The following RYR1 variants were observed in gnomAD, a reference collection of about 807,000 sequenced individuals.
The protein encoded by RYR1 is central core disease of muscle.
Under a neutral mutation model 583.5 loss-of-function variants are expected in RYR1, and 342 were observed. The observed-to-expected ratio is 0.59, with a 90% CI of 0.54 to 0.64. The LOEUF (loss-of-function observed/expected upper bound fraction) is 0.64. Ranked by LOEUF, RYR1 falls within the 30% of genes least tolerant of loss-of-function variation. The probability of loss-of-function intolerance (pLI) is 0.00; values close to 1 mark genes in which losing one functional copy is unlikely to be tolerated. For synonymous variants in RYR1, 2,791 were observed against 2,822.5 expected (o/e 0.99, Z 0.35); for missense variants, 6,032 against 6,917.2 (o/e 0.87, Z 4.54).
rs1217945877 is a variant in RYR1 at position 38,440,833 on chromosome 19, T to C, written c.134T>C (p.Leu45Pro). ...GCCGCCGAGGGCTTCGGCAACCGCC[T>C]GTGCTTCCTGGAGCCCACTAGCAAC... The part of the protein sequence containing the change: ...CLAAEGFGNR[L>P]CFLEPTSNAQ... Residue 45 changes from leucine (L) to proline (P), a missense_variant, in exon 2 of 106, where the codon CTG becomes CCG. Leu to Pro is a moderately conservative substitution (Grantham distance 98, BLOSUM62 -3). Transcript: ENST00000359596. 1.9e-6 allele frequency: 3 copies of C among 1,611,464 alleles called. No individual in the cohort carries two copies. The highest frequency in any genetic ancestry group is 2.5e-6 in the Non-Finnish European group (3 of 1,179,508).
Position 38,486,019 on chromosome 19 carries a change from T to G in RYR1, c.5364T>G (p.Ala1788=), listed in dbSNP as rs200950362. 6.6e-4 allele frequency: 1,071 copies of G among 1,613,312 alleles called. 2 individuals carry two copies. Among genetic ancestry groups the G allele is most frequent in the Admixed American group, 1.4e-3 (84 of 59,996 alleles). The change falls in exon 34 of 106, where the codon GCT becomes GCG. Residue 1788 remains alanine (A), a synonymous_variant. Coordinates refer to ENST00000359596, the MANE Select transcript of RYR1 (RefSeq NM_000540.3). ...SPPCFVAALP[A]AGAAEAPARL... ...CCTGTTTCGTGGCCGCTCTGCCAGC[T>G]GCTGGGGCAGCAGAGGCCCCGGCCC...
Position 38,504,593 on chromosome 19 carries a change from A to G in RYR1, c.8068-155A>G, listed in dbSNP as rs2915950. Among the ~76,000 whole-genome samples the G allele has an allele frequency of 0.35, 53,177 of 151,716 alleles. 10,130 individuals are homozygous for G. Among genetic ancestry groups the G allele is most frequent in the South Asian group, 0.49 (2,341 of 4,804 alleles). On this transcript the variant is annotated intron_variant, in intron 50 of 105. Transcript: ENST00000359596. ...AATATGGGGATGATTTGAGCATACA[A>G]TTGGGACTGACATTTGGGTTTCAAG...
In RYR1 at chr19:38,499,258, G is replaced by A; in HGVS notation, c.7027+15G>A. ...CTTCGTCAACGGTGAGGAGGGGGTGGCAGTGGCAGAGCGGGAAGTATGGAG... is the reference window on the plus strand; with the variant it reads ...CTTCGTCAACGGTGAGGAGGGGGTGACAGTGGCAGAGCGGGAAGTATGGAG... On this transcript the variant is annotated intron_variant, in intron 43 of 105. Coordinates refer to ENST00000359596, the MANE Select transcript of RYR1 (RefSeq NM_000540.3). This position sits in a 1 kb window ranked among gnomAD's most constrained non-coding sequence, Gnocchi z 7.3. 2 of 1,614,142 alleles carry A rather than the reference G, an allele frequency of 1.2e-6. No homozygotes were observed. The highest frequency in any genetic ancestry group is 1.7e-6 in the Non-Finnish European group (2 of 1,180,002).
chr19:38,440,067 T>C (rs866907124), intron 1 of RYR1, among the ~76,000 whole-genome samples: 2 of 152,222 alleles, frequency 1.3e-5, no homozygotes, highest in African/African-American at 4.8e-5. Flanking sequence ...TCCCAGCTCC[T>C]CCTGTTACCA....
At chr19:38,472,916 T>C (rs1257669078) in intron 27 of RYR1, among the ~76,000 whole-genome samples, 1 of 146,656 alleles carries the variant, frequency 6.8e-6, no homozygotes, top group Non-Finnish European at 1.5e-5. Context: ...TTCAGGAGAC[T>C]GAGACACAAG....
At chr19:38,505,215 C>A in intron 52 of RYR1, 94 bp from the exon 53 acceptor site, 1 of 1,163,272 alleles carries the variant, frequency 8.6e-7, no homozygotes, top group South Asian at 1.3e-5. Flanking sequence ...GTTCTGGGAC[C>A]CCCCCAGGAT....
At chr19:38,542,103 GTT>G (rs367691103) in intron 84 of RYR1, among the ~76,000 whole-genome samples, 1 of 137,916 alleles carries the variant, frequency 7.3e-6, no homozygotes, top group African/African-American at 2.7e-5. Flanking sequence ...GCCGGGGACT[GTT>G]TTTTTTTTTT....
rs141588091 is a variant in RYR1, at chr19:38,557,009, T to C, written c.12283-4104T>C. ...GCTGTTTCTGCTCAACACTCAGACA[T>C]ATTCATTCATTAGAGATTGCAAAAT... On this transcript the variant is annotated intron_variant, in intron 89 of 105. Transcript: ENST00000359596. 2.3e-3 allele frequency among the ~76,000 whole-genome samples: 352 copies of C among 151,814 alleles called. 2 individuals are homozygous for C. Among genetic ancestry groups the C allele is most frequent in the African/African-American group, 8.3e-3 (345 of 41,436 alleles).
intron 101 of RYR1, among the ~76,000 whole-genome samples, chr19:38,583,865 A>G (rs888121697): frequency 1.3e-5 from 2 of 152,044 alleles, no homozygotes; most frequent in Non-Finnish European, 2.9e-5. Context: ...GGGCTGGGCC[A>G]GGGCCCACAG....
intron 57 of RYR1, 29 bp from the exon 58 acceptor site, chr19:38,507,683 C>G (rs1334931804): frequency 2.8e-6 from 4 of 1,409,088 alleles, no homozygotes; most frequent in Non-Finnish European, 4.0e-6. Context: ...GGCGTCTGGG[C>G]TGATCCTTCT....
rs769492466 is a variant in RYR1, at chr19:38,457,512, T to C, written c.1807T>C (p.Cys603Arg). 6 of 1,614,158 alleles carry C rather than the reference T, an allele frequency of 3.7e-6. No homozygotes were observed. The highest frequency in any genetic ancestry group is 5.1e-6 in the Non-Finnish European group (6 of 1,180,022). Residue 603 changes from cysteine (C) to arginine (R), a missense_variant, in exon 17 of 106, where the codon TGC becomes CGC. Coordinates refer to ENST00000359596, the MANE Select transcript of RYR1 (RefSeq NM_000540.3). ...TGACCTCTAGGTCCTGGACGTGCTA[T>C]GCTCCCTGTGTGTGTGTAATGGTGT... ...GRNHKVLDVL[C>R]SLCVCNGVAV...
chr19:38,575,674 G>A (rs986274872), intron 96 of RYR1, among the ~76,000 whole-genome samples: 10 of 152,072 alleles, frequency 6.6e-5, no homozygotes, highest in African/African-American at 2.4e-4. Flanking sequence ...GTGGTGGTGG[G>A]CGCCTGTAAT....
intron 42 of RYR1, among the ~76,000 whole-genome samples, chr19:38,498,693 A>G (rs1250438212): frequency 1.3e-5 from 2 of 152,148 alleles, no homozygotes; most frequent in East Asian, 3.9e-4. Flanking sequence ...ACTTTCTGAT[A>G]TTGCCATGAC....
At chr19:38,465,740 G>T (rs1968061339) in intron 23 of RYR1, among the ~76,000 whole-genome samples, 1 of 152,094 alleles carries the variant, frequency 6.6e-6, no homozygotes, top group African/African-American at 2.4e-5. Flanking sequence ...CTCCAGCCTG[G>T]GCAACAAGAG....
Position 38,447,699 on chromosome 19 carries a change from G to A in RYR1, c.801-656G>A, listed in dbSNP as rs75673276. The stretch of plus-strand genomic sequence containing the variant: ...TCCACTAAAAATACAAAATTAGCCA[G>A]GCGGTAGTGGCACGCACCTGTAATC... On this transcript the variant is annotated intron_variant, in intron 9 of 105. Coordinates refer to ENST00000359596, the MANE Select transcript of RYR1 (RefSeq NM_000540.3). Among the ~76,000 whole-genome samples the A allele has an allele frequency of 1.4e-3, 219 of 151,760 alleles. 3 individuals carry two copies. The East Asian group carries it at 0.033, about 23-fold the overall frequency.
At position 38,464,692 on chromosome 19, in the gene RYR1, A is replaced by G; in HGVS notation, c.2840A>G (p.Asp947Gly). The G allele has an allele frequency of 1.3e-6, 2 of 1,592,134 alleles. No homozygotes were observed. The highest frequency in any genetic ancestry group is 1.7e-6 in the Non-Finnish European group (2 of 1,169,482). Residue 947 changes from aspartate (D) to glycine (G), a missense_variant, in exon 23 of 106, where the codon GAC becomes GGC. This residue lies in a region of RYR1 where 2,627 missense variants were observed against 2,961.3 expected (regional missense o/e 0.89). Coordinates refer to ENST00000359596, the MANE Select transcript of RYR1 (RefSeq NM_000540.3). ...GGCATGGCGGATGAGAAGGCGGAGGACAACCTGAAGAAGACAAAACTCCCC... is the reference window on the plus strand; with the variant it reads ...GGCATGGCGGATGAGAAGGCGGAGGGCAACCTGAAGAAGACAAAACTCCCC... ...HVGMADEKAE[D>G]NLKKTKLPKT...
At chr19:38,528,915 A>G in intron 75 of RYR1, 36 bp from the exon 76 acceptor site, 1 of 1,598,044 alleles carries the variant, frequency 6.3e-7, no homozygotes, top group Non-Finnish European at 8.5e-7. Flanking sequence ...AGGGGACTCT[A>G]GAAACCCTCT....
chr19:38,433,928 G>A (rs1600609323), intron 1 of RYR1, 54 bp downstream of exon 1: 1 of 1,491,152 alleles, frequency 6.7e-7, no homozygotes, highest in Non-Finnish European at 9.4e-7. Context: ...GCTCTCTGAG[G>A]GTCTCTCTGT....
chr19:38,515,155 A>C, intron 64 of RYR1, 48 bp downstream of exon 64: 7 of 795,058 alleles, frequency 8.8e-6, no homozygotes, highest in Non-Finnish European at 1.0e-5. Context: ...CTGGAGGGGA[A>C]GGGAGGGAGC....
Sources: allele counts gnomAD v4.1 joint callset (sites outside exome capture counted in the v4.1 genomes callset), GRCh38; gene constraint gnomAD v4.1.1; regional missense constraint gnomAD v4.1.1; non-coding constraint Gnocchi (gnomAD v3.1); transcripts MANE v1.5; gene names NCBI Gene and HGNC (gene_info 2026-07-23, HGNC 2026-07-21).